MAP9: variants seen among roughly 807,000 people sequenced by gnomAD.
MAP9 encodes microtubule associated protein 9.
In MAP9, 80 loss-of-function variants were observed where a neutral mutation model predicts 75.2. That is an observed-to-expected ratio of 1.06 (90% CI 0.89 to 1.28). The LOEUF is 1.28. Among genes scored for constraint, MAP9 ranks in the 50% most tolerant of loss-of-function variants. The pLI is 0.00. For missense variants in MAP9, 753 were observed against 719.9 expected, an observed-to-expected ratio of 1.05 and a Z score of -0.53; for synonymous variants, 235 against 237.3, an observed-to-expected ratio of 0.99 and a Z score of 0.09.
At chr4:155,370,648 A>AT (rs150843890) in intron 4 of MAP9, among the ~76,000 whole-genome samples, 5 of 151,956 alleles carry the variant, frequency 3.3e-5, no homozygotes, top group Non-Finnish European at 7.4e-5. Context: ...TGTTGAGTCA[A>AT]TTTTTTTTAT....
At chr4:155,355,012 C>G in intron 10 of MAP9, 59 bp downstream of exon 10, 1 of 698,228 alleles carries the variant, frequency 1.4e-6, no homozygotes, top group Non-Finnish European at 2.3e-6. Flanking sequence ...GTTATATATT[C>G]AGGGATATTT....
chr4:155,355,663 A>G, intron 9 of MAP9, 53 bp downstream of exon 9: 2 of 1,373,336 alleles, frequency 1.5e-6, no homozygotes, highest in Non-Finnish European at 2.0e-6. Flanking sequence ...TAAACAGTGT[A>G]GGCTTATGAA....
In MAP9 at chr4:155,353,075, A is replaced by G. The variant is rs1250697652; in HGVS notation, c.1543-18T>C. ...TCAAAAGCCTGAAAAAGTTCAGAAT[A>G]ATTTTCTTACTGTGAATATTTGAAA... On this transcript the variant is annotated intron_variant, in intron 11 of 13. Coordinates refer to ENST00000311277, the MANE Select transcript of MAP9 (RefSeq NM_001039580.2). 6.5e-7 allele frequency: 1 copy of G among 1,539,758 alleles called. No individual in the cohort carries two copies. The highest frequency in any genetic ancestry group is 8.7e-7 in the Non-Finnish European group (1 of 1,143,768).
chr4:155,359,976 A>G (rs936127495), intron 7 of MAP9, among the ~76,000 whole-genome samples, 192 bp downstream of exon 7: 3 of 152,104 alleles, frequency 2.0e-5, no homozygotes, highest in African/African-American at 7.2e-5. Context: ...GTTTCATTAT[A>G]TTCACTACAA....
At chr4:155,371,387 A>G (rs762975170) in intron 4 of MAP9, among the ~76,000 whole-genome samples, 56 of 151,974 alleles carry the variant, frequency 3.7e-4, no homozygotes, top group Non-Finnish European at 7.7e-4. Context: ...TTAAATACTT[A>G]TTATATATGC....
chr4:155,346,812 A>T lies in MAP9; in HGVS notation c.*971T>A, dbSNP rs1731302380. The T allele has an allele frequency of 6.6e-6, 1 of 152,602 alleles. No homozygotes were observed. The highest frequency in any genetic ancestry group is 2.1e-4 in the South Asian group (1 of 4,828). The allele number at this position is 152,602 out of a possible 1,614,324, so 9.5% of individuals were successfully genotyped here. A position where few individuals can be genotyped will look rare whatever the true frequency, so the allele number is the denominator to read the frequency against. On this transcript the variant is annotated 3_prime_UTR_variant, in exon 14 of 14. Coordinates refer to ENST00000311277, the MANE Select transcript of MAP9 (RefSeq NM_001039580.2). ...CTTAAACCAGATGACCAGGTCAAGT[A>T]TGAGACCAGTTACTACGAGGACATG... is the stretch of plus-strand genomic sequence containing the variant.
In MAP9 at chr4:155,368,671, T is replaced by G. The variant is rs764459907; in HGVS notation, c.623A>C (p.His208Pro). Residue 208 changes from histidine to proline, a missense_variant, in exon 5 of 14, where the codon CAT becomes CCT. By Grantham distance (77) the His-to-Pro change is moderately conservative. Coordinates refer to ENST00000311277, the MANE Select transcript of MAP9 (RefSeq NM_001039580.2). Reference sequence around the variant, plus strand: ...CGTTGGAAGGGAAGAAGGTGCAGAATGTAACTCCAATTCTTCACTGAGGGC... The same window carrying G: ...CGTTGGAAGGGAAGAAGGTGCAGAAGGTAACTCCAATTCTTCACTGAGGGC... ...ETALSEELEL[H>P]SAPSSLPTPN... is the part of the protein sequence containing the mutation. 16 of 1,614,114 alleles carry G rather than the reference T, an allele frequency of 9.9e-6. No homozygotes were observed. The highest frequency in any genetic ancestry group is 1.2e-5 in the Non-Finnish European group (14 of 1,180,034).
chr4:155,353,443 CCT>C, intron 10 of MAP9, 103 bp from the exon 11 acceptor site: 5 of 926,132 alleles, frequency 5.4e-6, no homozygotes, highest in Non-Finnish European at 6.8e-6. Flanking sequence ...TATCTTTAGT[CCT>C]CTGATATTCA....
rs1003680581 is a variant in MAP9 at position 155,343,733 on chromosome 4, ATCT to A, written c.*4047_*4049del. 9 of 151,882 alleles carry A rather than the reference ATCT, an allele frequency of 5.9e-5. No homozygotes were observed. Among genetic ancestry groups the A allele is most frequent in the South Asian group, 4.1e-4 (2 of 4,834 alleles). The allele number at this position is 151,882 out of a possible 1,614,324, so 9.4% of individuals were successfully genotyped here. On this transcript the variant is annotated 3_prime_UTR_variant, in exon 14 of 14. Transcript: ENST00000311277. The stretch of plus-strand genomic sequence containing the variant: ...ATGCTATCAAAAAGCAGACATTAAT[ATCT>A]TCTTAATAATTTTTAAAACATCCTA...
intron 9 of MAP9, among the ~76,000 whole-genome samples, chr4:155,355,378 A>G (rs1012591346): frequency 6.6e-6 from 1 of 152,156 alleles, no homozygotes; most frequent in African/African-American, 2.4e-5. Context: ...AAAAAATTTA[A>G]TAACTTTTTG....
rs990196512 is a variant in MAP9 at position 155,344,354 on chromosome 4, A to C, written c.*3429T>G. 4 of 151,986 alleles carry C rather than the reference A, an allele frequency of 2.6e-5. No homozygotes were observed. Among genetic ancestry groups the C allele is most frequent in the African/African-American group, 9.7e-5 (4 of 41,434 alleles). 9.4% of individuals were successfully genotyped at this position (151,986 alleles called of 1,614,324 possible). On this transcript the variant is annotated 3_prime_UTR_variant, in exon 14 of 14. Transcript: ENST00000311277. ...ATTGTGGAATGGTGAGCAGAATACA[A>C]CTGGGACCCCTGATACTGAGATCTA...
At chr4:155,365,713 G>A (rs1316469342) in intron 5 of MAP9, among the ~76,000 whole-genome samples, 1 of 151,716 alleles carries the variant, frequency 6.6e-6, no homozygotes, top group Non-Finnish European at 1.5e-5. Flanking sequence ...TATATCTAGA[G>A]AAAAAACAAG....
At chr4:155,361,654 T>C (rs189356292) in intron 6 of MAP9, among the ~76,000 whole-genome samples, 117 of 152,202 alleles carry the variant, frequency 7.7e-4, no homozygotes, top group African/African-American at 2.6e-3. Flanking sequence ...TAATTGTGCC[T>C]GTATTGGAAT....
intron 5 of MAP9, among the ~76,000 whole-genome samples, chr4:155,363,760 C>T (rs10008263): frequency 0.063 from 9,577 of 151,900 alleles, 672 homozygotes; most frequent in African/African-American, 0.17. Context: ...ATACATTCTC[C>T]GGACCACAAT....
chr4:155,375,052 C>A, intron 2 of MAP9, 31 bp from the exon 3 acceptor site: 1 of 1,461,392 alleles, frequency 6.8e-7, no homozygotes, highest in Non-Finnish European at 9.5e-7. Context: ...CAATTTCCAT[C>A]CAAACATGGA....
Position 155,364,784 on chromosome 4 carries a change from T to G in MAP9, c.709-2643A>C, listed in dbSNP as rs142844197. On this transcript the variant is annotated intron_variant, in intron 5 of 13. Transcript: ENST00000311277. The stretch of plus-strand genomic sequence containing the variant: ...TATTCCAAGGTTTCTAGATCAAATG[T>G]GAAACAATACAATATCAATTCTAAA... Among the ~76,000 whole-genome samples, 1,215 of 151,420 alleles carry G rather than the reference T, an allele frequency of 8.0e-3. 9 individuals carry two copies. Among genetic ancestry groups the G allele is most frequent in the Non-Finnish European group, 0.013 (870 of 67,680 alleles).
chr4:155,374,191 T>C (rs959305501), intron 3 of MAP9, among the ~76,000 whole-genome samples: 2 of 151,958 alleles, frequency 1.3e-5, no homozygotes, highest in African/African-American at 4.8e-5. Context: ...ATACAAAAAT[T>C]AGCCGGGCAT....
chr4:155,373,801 A>C (rs764913930), intron 3 of MAP9, among the ~76,000 whole-genome samples: 2 of 152,214 alleles, frequency 1.3e-5, no homozygotes, highest in African/African-American at 4.8e-5. Flanking sequence ...TATGGACTGT[A>C]AAACTTTTAT....
At chr4:155,354,935 AG>A (rs1423027541) in intron 10 of MAP9, 135 bp downstream of exon 10, 2 of 468,932 alleles carry the variant, frequency 4.3e-6, no homozygotes, top group Non-Finnish European at 7.5e-6. Context: ...GTAAAACAGA[AG>A]TAAAACCGGA....
Sources: gnomAD v4.1 joint callset for allele counts (sites outside exome capture counted in the v4.1 genomes callset) on GRCh38, gnomAD v4.1.1 for gene constraint, MANE v1.5 for transcripts, NCBI Gene and HGNC (gene_info 2026-07-23, HGNC 2026-07-21) for gene names.